GRAMD1B: variants seen among roughly 807,000 people sequenced by gnomAD.
GRAMD1B encodes GRAM domain containing 1B.
GRAMD1B carries 37 observed loss-of-function variants against 99.7 expected under a neutral mutation model. That is an observed-to-expected ratio of 0.37 (90% CI 0.29 to 0.49). The LOEUF (loss-of-function observed/expected upper bound fraction) is 0.49. Ranked by LOEUF, GRAMD1B falls within the 20% of genes least tolerant of loss-of-function variation. The probability of loss-of-function intolerance (pLI) is 0.98; values close to 1 mark genes in which losing one functional copy is unlikely to be tolerated. For synonymous variants in GRAMD1B, 427 were observed against 387.6 expected, an observed-to-expected ratio of 1.10 and a Z score of -1.19; for missense variants, 888 against 1,009.2, an observed-to-expected ratio of 0.88 and a Z score of 1.63.
At chr11:123,493,105 G>A (rs976181004) in intron 2 of GRAMD1B, among the ~76,000 whole-genome samples, 2 of 152,182 alleles carry the variant, frequency 1.3e-5, no homozygotes, top group Non-Finnish European at 2.9e-5. Flanking sequence ...TGTGGTGCAA[G>A]GACAAGATTC....
chr11:123,616,965 A>T (rs1954493053), intron 17 of GRAMD1B, among the ~76,000 whole-genome samples: 1 of 152,222 alleles, frequency 6.6e-6, no homozygotes, highest in African/African-American at 2.4e-5. Flanking sequence ...GGGACAACTC[A>T]GAGAGGCCTG....
At chr11:123,435,386 T>C (rs1450567365) in intron 1 of GRAMD1B, 1 of 697,100 alleles carries the variant, frequency 1.4e-6, no homozygotes, top group Non-Finnish European at 2.6e-6. Context: ...ATTATTTGTT[T>C]CATTATTTGT....
intron 3 of GRAMD1B, among the ~76,000 whole-genome samples, chr11:123,582,807 C>T (rs1191733516): frequency 6.6e-6 from 1 of 152,222 alleles, no homozygotes; most frequent in African/African-American, 2.4e-5. Context: ...ACACAGCAGA[C>T]ATTCGAGGAC....
chr11:123,359,419 TAG>T (rs1424918329), intron 1 of GRAMD1B, among the ~76,000 whole-genome samples: 3 of 152,004 alleles, frequency 2.0e-5, no homozygotes, highest in African/African-American at 7.2e-5. Flanking sequence ...CCAGAGGAAA[TAG>T]AGTTACTCTT....
At chr11:123,521,886 T>C (rs560677758) in intron 2 of GRAMD1B, among the ~76,000 whole-genome samples, 24 of 152,252 alleles carry the variant, frequency 1.6e-4, no homozygotes, top group Admixed American at 2.6e-4. Flanking sequence ...TTTCACTATT[T>C]TCTGCCATCA....
intron 2 of GRAMD1B, among the ~76,000 whole-genome samples, chr11:123,537,988 CTATAA>C (rs1288885713): frequency 2.0e-5 from 3 of 152,140 alleles, no homozygotes; most frequent in South Asian, 2.1e-4. Context: ...ATCACTAGTG[CTATAA>C]TATAATTCAT....
intron 2 of GRAMD1B, among the ~76,000 whole-genome samples, chr11:123,520,351 G>T (rs894624307): frequency 3.3e-5 from 5 of 152,120 alleles, no homozygotes; most frequent in East Asian, 3.9e-4. Flanking sequence ...ATCTTGTCTA[G>T]ACCCCTGTGC....
chr11:123,606,500 A>G (rs757550805), intron 10 of GRAMD1B, 109 bp from the exon 11 acceptor site: 2 of 955,926 alleles, frequency 2.1e-6, no homozygotes, highest in Non-Finnish European at 3.1e-6. Flanking sequence ...GCTCCTGAGC[A>G]GCTGAGCTGG....
At chr11:123,583,266 CAT>C (rs943143470) in intron 3 of GRAMD1B, among the ~76,000 whole-genome samples, 7 of 138,828 alleles carry the variant, frequency 5.0e-5, no homozygotes, top group South Asian at 2.3e-4. Flanking sequence ...TGCACATGCG[CAT>C]GTGTGTGTGC....
intron 1 of GRAMD1B, among the ~76,000 whole-genome samples, chr11:123,477,960 T>A (rs1359230805): frequency 6.6e-6 from 1 of 151,626 alleles, no homozygotes; most frequent in East Asian, 1.9e-4. Context: ...ATTTGTTATT[T>A]TTTATTTTTT....
Position 123,358,536 on chromosome 11 carries a change from C to G in GRAMD1B, c.-439C>G, listed in dbSNP as rs898041447. On this transcript the variant is annotated 5_prime_UTR_variant, in exon 1 of 21. Coordinates refer to the GRAMD1B transcript ENST00000638157. Reference sequence around the variant, plus strand: ...CCCGCCTGGGCGCAGCCGGCCGTCCCGGCTCCGAGGGTGCAGCGCGCCCGG... The same window carrying G: ...CCCGCCTGGGCGCAGCCGGCCGTCCGGGCTCCGAGGGTGCAGCGCGCCCGG... 2.6e-5 allele frequency: 4 copies of G among 152,120 alleles called. No homozygotes were observed. In the South Asian group the frequency reaches 6.2e-4, roughly 24 times the overall value. The allele number at this position is 152,120 out of a possible 1,614,324, so 9.4% of individuals were successfully genotyped here.
At chr11:123,388,129 C>CAAAAAAA (rs34085785) in intron 1 of GRAMD1B, among the ~76,000 whole-genome samples, 3 of 71,498 alleles carry the variant, frequency 4.2e-5, no homozygotes, top group African/African-American at 4.7e-5. Context: ...TCCTCCTCCT[C>CAAAAAAA]AAAAAAAAAA....
intron 1 of GRAMD1B, among the ~76,000 whole-genome samples, chr11:123,442,336 C>T (rs991341136): frequency 6.6e-6 from 1 of 152,126 alleles, no homozygotes; most frequent in Non-Finnish European, 1.5e-5. Context: ...TTCCCGACTC[C>T]CTTTTAGGGT....
Position 123,598,185 on chromosome 11 carries a change from C to T in GRAMD1B, c.969+2148C>T, listed in dbSNP as rs1951519998. Reference sequence around the variant, plus strand: ...CATGATGCCATTCAGCAAAGTGCCGCTGGAAGGCTTTGGGTCCTCGGTAGG... The same window carrying T: ...CATGATGCCATTCAGCAAAGTGCCGTTGGAAGGCTTTGGGTCCTCGGTAGG... On this transcript the variant is annotated intron_variant, in intron 7 of 19. Coordinates refer to ENST00000635736, the MANE Select transcript of GRAMD1B (RefSeq NM_001387025.1). The T allele has an allele frequency of 3.3e-6, 5 of 1,506,400 alleles. No individual in the cohort carries two copies. In the East Asian group the frequency reaches 1.1e-4, roughly 34 times the overall value. The allele number at this position is 1,506,400 out of a possible 1,614,324, so 93.3% of individuals were successfully genotyped here. A position where few individuals can be genotyped will look rare whatever the true frequency, so the allele number is the denominator to read the frequency against.
chr11:123,599,450 C>T, intron 7 of GRAMD1B: 1 of 640,292 alleles, frequency 1.6e-6, no homozygotes, highest in Non-Finnish European at 3.0e-6. Flanking sequence ...GTATTGTCTC[C>T]ATCTTCCCTT....
intron 1 of GRAMD1B, among the ~76,000 whole-genome samples, chr11:123,445,148 A>C (rs1949580146): frequency 6.6e-6 from 1 of 152,182 alleles, no homozygotes; most frequent in Non-Finnish European, 1.5e-5. Context: ...TTTCTGAAGC[A>C]CTATTTCTAG....
intron 1 of GRAMD1B, among the ~76,000 whole-genome samples, chr11:123,435,937 C>CTTTTTTTT (rs10647186): frequency 7.3e-5 from 7 of 95,704 alleles, no homozygotes; most frequent in African/African-American, 1.6e-4. Context: ...GAAACTCATA[C>CTTTTTTTT]TTTTTTTTTT....
At chr11:123,560,297 G>A in intron 2 of GRAMD1B, 1 of 1,146,896 alleles carries the variant, frequency 8.7e-7, no homozygotes, top group Non-Finnish European at 1.1e-6. Context: ...GAGTCAGAGG[G>A]AGAGAGAGAA....
At chr11:123,389,671 C>T (rs1163758023) in intron 1 of GRAMD1B, among the ~76,000 whole-genome samples, 1 of 151,984 alleles carries the variant, frequency 6.6e-6, no homozygotes, top group African/African-American at 2.4e-5. Flanking sequence ...ATGCACCATA[C>T]TAACGTGAGA....
Sources: gnomAD v4.1 joint callset for allele counts (sites outside exome capture counted in the v4.1 genomes callset) on GRCh38, gnomAD v4.1.1 for gene constraint, MANE v1.5 for transcripts, NCBI Gene and HGNC (gene_info 2026-07-23, HGNC 2026-07-21) for gene names.